Variants in MSI2 observed in about 807,000 individuals in gnomAD.
The protein encoded by MSI2 is RNA-binding protein Musashi homolog 2.
A neutral mutation model predicts 45.6 loss-of-function variants in MSI2; 17 were observed. The observed-to-expected ratio is 0.37, with a 90% CI of 0.26 to 0.56. MSI2 has a LOEUF of 0.56. Among genes scored for constraint, MSI2 ranks in the 20% least tolerant of loss-of-function variants. The probability of loss-of-function intolerance (pLI) is 0.77; values close to 1 mark genes in which losing one functional copy is unlikely to be tolerated. For synonymous variants in MSI2, 156 were observed against 158.2 expected (o/e 0.99, Z 0.11); for missense variants, 293 against 444.2 (o/e 0.66, Z 3.06).
At chr17:57,556,248 G>T (rs1219436660) in intron 7 of MSI2, among the ~76,000 whole-genome samples, 2 of 152,160 alleles carry the variant, frequency 1.3e-5, no homozygotes, top group Non-Finnish European at 1.5e-5. Context: ...TTGATAATCC[G>T]TTTAGGTCTG....
intron 5 of MSI2, among the ~76,000 whole-genome samples, chr17:57,272,912 A>G (rs998827437): frequency 6.6e-6 from 1 of 152,160 alleles, no homozygotes; most frequent in Non-Finnish European, 1.5e-5. Flanking sequence ...GATACACTCT[A>G]TTTTTTAAAT....
intron 6 of MSI2, among the ~76,000 whole-genome samples, chr17:57,469,920 C>T (rs2085401680): frequency 6.6e-6 from 1 of 152,262 alleles, no homozygotes; most frequent in Non-Finnish European, 1.5e-5. Context: ...TTCTTTGCTT[C>T]TCCAGCACTA....
chr17:57,428,987 T>G (rs2143363083), intron 6 of MSI2, among the ~76,000 whole-genome samples: 1 of 152,294 alleles, frequency 6.6e-6, no homozygotes, highest in South Asian at 2.1e-4. Flanking sequence ...GACTCCAGAG[T>G]GCCTGGAGGA....
intron 6 of MSI2, among the ~76,000 whole-genome samples, chr17:57,488,167 G>T (rs1413424447): frequency 6.6e-6 from 1 of 152,062 alleles, no homozygotes; most frequent in Non-Finnish European, 1.5e-5. Flanking sequence ...TCCAGAGGGT[G>T]GTACTAAGAT....
intron 6 of MSI2, among the ~76,000 whole-genome samples, chr17:57,515,093 C>G (rs2086441977): frequency 6.6e-6 from 1 of 152,168 alleles, no homozygotes; most frequent in Non-Finnish European, 1.5e-5. Context: ...TGAAAGATCT[C>G]AAAACATTTA....
At position 57,668,637 on chromosome 17, in the gene MSI2, G is replaced by A. The variant is rs188865714; in HGVS notation, c.791-6335G>A. Among the ~76,000 whole-genome samples, 1,051 of 152,112 alleles carry A rather than the reference G, an allele frequency of 6.9e-3. 7 individuals carry two copies. Among genetic ancestry groups the A allele is most frequent in the African/African-American group, 0.022 (895 of 41,488 alleles). ...GCACAGACAACTCACCATGTGTCCCGTGCAGTGTGTAAGAGGAGCCAGGGG... is the reference window on the plus strand; with the variant it reads ...GCACAGACAACTCACCATGTGTCCCATGCAGTGTGTAAGAGGAGCCAGGGG... On this transcript the variant is annotated intron_variant, in intron 11 of 13. Transcript: ENST00000284073.
rs1023023502 is a variant in MSI2, at chr17:57,442,151, C to T, written c.405+40680C>T. ...TCCCGGGTTCAAGCGATTCTCCTGC[C>T]TCAGCCTCCCAAGTAGCTGGGACTA... On this transcript the variant is annotated intron_variant, in intron 6 of 13. Coordinates refer to ENST00000284073, the MANE Select transcript of MSI2 (RefSeq NM_138962.4). Among the ~76,000 whole-genome samples the T allele has an allele frequency of 3.3e-5, 5 of 152,170 alleles. No homozygotes were observed. In the East Asian group the frequency reaches 9.7e-4, roughly 29 times the overall value.
chr17:57,666,444 C>T (rs2144727064), intron 11 of MSI2, among the ~76,000 whole-genome samples: 1 of 152,330 alleles, frequency 6.6e-6, no homozygotes, highest in South Asian at 2.1e-4. Context: ...AGCCTCACAC[C>T]TGCAGAAGCT....
At chr17:57,549,145 G>A (rs1254763370) in intron 7 of MSI2, among the ~76,000 whole-genome samples, 1 of 152,146 alleles carries the variant, frequency 6.6e-6, no homozygotes, top group Non-Finnish European at 1.5e-5. Flanking sequence ...AAAGTGCTAG[G>A]ATTACAGGCG....
chr17:57,379,424 A>G (rs1361567279), intron 5 of MSI2, among the ~76,000 whole-genome samples: 1 of 151,678 alleles, frequency 6.6e-6, no homozygotes, highest in Non-Finnish European at 1.5e-5. Flanking sequence ...AGCCTTCAAT[A>G]AAAGTCGTGA....
intron 5 of MSI2, among the ~76,000 whole-genome samples, chr17:57,377,217 G>A (rs567672905): frequency 5.2e-4 from 79 of 152,306 alleles, no homozygotes; most frequent in Middle Eastern, 3.4e-3. Flanking sequence ...ACCGTGCCCG[G>A]CCCACAAATA....
intron 6 of MSI2, among the ~76,000 whole-genome samples, chr17:57,510,111 C>T (rs2086319252): frequency 6.6e-6 from 1 of 152,034 alleles, no homozygotes; most frequent in African/African-American, 2.4e-5. Context: ...ACCGTTCTGC[C>T]CCACGAGGTT....
intron 5 of MSI2, among the ~76,000 whole-genome samples, chr17:57,291,853 T>C (rs1162646452): frequency 6.6e-6 from 1 of 152,002 alleles, no homozygotes; most frequent in Non-Finnish European, 1.5e-5. Context: ...TCTACAGCCA[T>C]ACCACCCTGA....
At chr17:57,568,145 C>A (rs894289345) in intron 7 of MSI2, among the ~76,000 whole-genome samples, 1 of 152,160 alleles carries the variant, frequency 6.6e-6, no homozygotes. Context: ...GAAGTCACTG[C>A]TCTCCGAGAG....
At chr17:57,677,384 G>A (rs569661781) in intron 13 of MSI2, among the ~76,000 whole-genome samples, 1 of 152,290 alleles carries the variant, frequency 6.6e-6, no homozygotes, top group East Asian at 1.9e-4. Flanking sequence ...TGGGAAACTG[G>A]AAGGAGATCT....
intron 7 of MSI2, among the ~76,000 whole-genome samples, chr17:57,579,739 G>A (rs899187855): frequency 3.9e-5 from 6 of 152,216 alleles, no homozygotes; most frequent in Admixed American, 6.5e-5. Context: ...CTAGAGAGGC[G>A]TGAGTGCTTC....
At chr17:57,547,708 T>C (rs979022474) in intron 7 of MSI2, among the ~76,000 whole-genome samples, 8 of 149,390 alleles carry the variant, frequency 5.4e-5, no homozygotes, top group African/African-American at 2.0e-4. Flanking sequence ...TGGGATCCAT[T>C]TGGTGATGTT....
At chr17:57,662,403 T>C (rs1202342808) in intron 11 of MSI2, among the ~76,000 whole-genome samples, 3 of 152,230 alleles carry the variant, frequency 2.0e-5, no homozygotes, top group Non-Finnish European at 4.4e-5. Context: ...ATAGCTCACA[T>C]GTATTATGAG....
intron 5 of MSI2, among the ~76,000 whole-genome samples, chr17:57,367,529 C>T (rs189935417): frequency 5.6e-4 from 86 of 152,264 alleles, no homozygotes; most frequent in African/African-American, 2.0e-3. Context: ...ATGGCCTGCC[C>T]CATTGGGCCG....
Sources: allele counts gnomAD v4.1 joint callset (sites outside exome capture counted in the v4.1 genomes callset), GRCh38; gene constraint gnomAD v4.1.1; transcripts MANE v1.5; gene names NCBI Gene and HGNC (gene_info 2026-07-23, HGNC 2026-07-21).